COPG2: variants seen among roughly 807,000 people sequenced by gnomAD.
COPG2 encodes the protein coatomer subunit gamma-2.
COPG2 carries 37 observed loss-of-function variants against 46.3 expected under a neutral mutation model. The observed-to-expected ratio is 0.80, with a 90% CI of 0.61 to 1.05. COPG2 has a LOEUF of 1.05. Among genes scored for constraint, COPG2 ranks in the 50% least tolerant of loss-of-function variants. COPG2 has a pLI of 0.00. For missense variants in COPG2, 427 were observed against 387.8 expected (o/e 1.10, Z -0.85); for synonymous variants, 159 against 129.7 (o/e 1.23, Z -1.53).
intron 9 of COPG2, among the ~76,000 whole-genome samples, chr7:130,565,935 G>A (rs969592348): frequency 3.3e-5 from 5 of 152,070 alleles, no homozygotes; most frequent in Non-Finnish European, 7.4e-5. Context: ...CAGTGCTTTG[G>A]AGACCTGTGT....
chr7:130,605,075 G>A (rs1027750518), intron 9 of COPG2: 5 of 439,414 alleles, frequency 1.1e-5, no homozygotes, highest in African/African-American at 6.1e-5. Context: ...TTTGCTTCCA[G>A]ATTCCAATTA....
rs782776282 is a variant in COPG2 at position 130,666,903 on chromosome 7, G to T, written c.117C>A (p.Ile39=). Residue 39 remains isoleucine, a synonymous_variant, in exon 3 of 24, where the codon ATC becomes ATA. Coordinates refer to ENST00000425248, the MANE Select transcript of COPG2 (RefSeq NM_012133.6). ...QEARIFNETP[I]NPRRCLHILT... ...GAATATGCAAACATCTTCTTGGATT[G>T]ATTGGAGTTTCATTGAATATACGAG... 8 of 1,565,588 alleles carry T rather than the reference G, an allele frequency of 5.1e-6. No homozygotes were observed. In the East Asian group the frequency reaches 1.8e-4, roughly 35 times the overall value.
rs151109842 is a variant in COPG2 at position 130,633,431 on chromosome 7, G to A, written c.324-16366C>T. Reference sequence around the variant, plus strand: ...GTTGTTTCCTGACTTTTTAATGATCGCCACTCTAAGTGGCATGAGATGGTA... The same window carrying A: ...GTTGTTTCCTGACTTTTTAATGATCACCACTCTAAGTGGCATGAGATGGTA... On this transcript the variant is annotated intron_variant, in intron 5 of 23. Coordinates refer to ENST00000425248, the MANE Select transcript of COPG2 (RefSeq NM_012133.6). Among the ~76,000 whole-genome samples the A allele has an allele frequency of 5.4e-3, 820 of 152,192 alleles. 9 individuals carry two copies. The highest frequency in any genetic ancestry group is 0.018 in the African/African-American group (762 of 41,504).
At chr7:130,575,023 T>C (rs966236876) in intron 9 of COPG2, among the ~76,000 whole-genome samples, 6 of 151,422 alleles carry the variant, frequency 4.0e-5, no homozygotes, top group African/African-American at 1.5e-4. Flanking sequence ...AATAAGAAAA[T>C]ATGAACAAAG....
At chr7:130,554,132 T>C (rs1258499717) in intron 14 of COPG2, among the ~76,000 whole-genome samples, 1 of 152,144 alleles carries the variant, frequency 6.6e-6, no homozygotes, top group Non-Finnish European at 1.5e-5. Context: ...GAGATTTGGA[T>C]CTATTCATAT....
intron 5 of COPG2, among the ~76,000 whole-genome samples, chr7:130,643,111 A>C (rs1157911921): frequency 6.6e-6 from 1 of 152,010 alleles, no homozygotes; most frequent in Non-Finnish European, 1.5e-5. Flanking sequence ...CCTGGCTAAC[A>C]TGGTGAAACC....
chr7:130,552,613 C>T (rs1793550021), intron 14 of COPG2, among the ~76,000 whole-genome samples, 183 bp from the exon 15 acceptor site: 1 of 152,048 alleles, frequency 6.6e-6, no homozygotes, highest in African/African-American at 2.4e-5. Context: ...TCTGCAAGCC[C>T]AAGAGAGCTC....
chr7:130,653,177 T>C (rs1175973290), intron 4 of COPG2, among the ~76,000 whole-genome samples: 1 of 152,174 alleles, frequency 6.6e-6, no homozygotes, highest in East Asian at 1.9e-4. Flanking sequence ...AAAAATTCAA[T>C]TATATGGATC....
intron 9 of COPG2, among the ~76,000 whole-genome samples, chr7:130,582,518 G>GCTTC (rs1472132187): frequency 6.6e-6 from 1 of 151,822 alleles, no homozygotes; most frequent in East Asian, 1.9e-4. Context: ...AAACTAAAGA[G>GCTTC]CTTCAGCACA....
At position 130,554,542 on chromosome 7, in the gene COPG2, G is replaced by A. The variant is rs1793587403; in HGVS notation, c.1407C>T (p.Pro469=). 2.5e-6 allele frequency: 1 copy of A among 398,458 alleles called. No homozygotes were observed. Among genetic ancestry groups the A allele is most frequent in the Admixed American group, 4.4e-5 (1 of 22,702 alleles). The allele number at this position is 398,458 out of a possible 1,614,324, so 24.7% of individuals were successfully genotyped here. A position where few individuals can be genotyped will look rare whatever the true frequency, so the allele number is the denominator to read the frequency against. ...LGKEGPRTPV[P]SKYIRFIFNR... The stretch of plus-strand genomic sequence containing the variant: ...TAAAAATAAAACGGATATATTTGGA[G>A]GGGACAGGCGTTCTAGGGCCCTCTT... The change falls in exon 14 of 24, where the codon CCC becomes CCT. Residue 469 remains proline, a synonymous_variant. Transcript: ENST00000425248.
intron 22 of COPG2, 37 bp from the exon 23 acceptor site, chr7:130,507,409 G>T: frequency 1.3e-6 from 1 of 779,728 alleles, no homozygotes; most frequent in Middle Eastern, 2.3e-4. Context: ...TATTAGGAAA[G>T]TAAAGCACAG....
At chr7:130,632,967 T>C (rs1795259580) in intron 5 of COPG2, among the ~76,000 whole-genome samples, 1 of 152,114 alleles carries the variant, frequency 6.6e-6, no homozygotes. Flanking sequence ...ACTGTTCAAC[T>C]CCCACCTATG....
intron 9 of COPG2, among the ~76,000 whole-genome samples, chr7:130,574,823 A>G (rs1217789469): frequency 6.6e-6 from 1 of 152,288 alleles, no homozygotes; most frequent in African/African-American, 2.4e-5. Context: ...GTGAAGGGAG[A>G]AATATTCAAG....
chr7:130,605,808 C>CA (rs1307861805), intron 9 of COPG2: 1 of 519,210 alleles, frequency 1.9e-6, no homozygotes, highest in East Asian at 5.4e-5. Context: ...AGGCCTGTGT[C>CA]AGACTTCTAA....
intron 9 of COPG2, chr7:130,607,726 T>A (rs782113473): frequency 1.9e-6 from 1 of 520,142 alleles, no homozygotes; most frequent in South Asian, 1.4e-5. Flanking sequence ...TTTTCCACTC[T>A]AAGTTTTCAG....
intron 9 of COPG2, among the ~76,000 whole-genome samples, chr7:130,573,870 CAT>C (rs1246052211): frequency 1.3e-5 from 2 of 152,064 alleles, no homozygotes; most frequent in Non-Finnish European, 2.9e-5. Flanking sequence ...TTGATAAAGA[CAT>C]AGAAAACTGA....
intron 4 of COPG2, among the ~76,000 whole-genome samples, chr7:130,659,125 A>G (rs1554460279): frequency 1.3e-5 from 2 of 151,862 alleles, no homozygotes; most frequent in African/African-American, 4.8e-5. Flanking sequence ...GGAGGCTGAG[A>G]CGGGCGGATC....
At chr7:130,509,266 G>T (rs782069643) in intron 20 of COPG2, 2 of 513,924 alleles carry the variant, frequency 3.9e-6, no homozygotes, top group Non-Finnish European at 3.9e-6. Flanking sequence ...GTGGGCAGTT[G>T]TATGTTTTCA....
chr7:130,548,698 C>T (rs1217441958), intron 18 of COPG2, among the ~76,000 whole-genome samples, 156 bp from the exon 19 acceptor site: 1 of 152,076 alleles, frequency 6.6e-6, no homozygotes, highest in Admixed American at 6.6e-5. Context: ...GTCAGGAGAT[C>T]GAGACCATCC....
Sources: gnomAD v4.1 joint callset for allele counts (sites outside exome capture counted in the v4.1 genomes callset) on GRCh38, gnomAD v4.1.1 for gene constraint, MANE v1.5 for transcripts, NCBI Gene and HGNC (gene_info 2026-07-23, HGNC 2026-07-21) for gene names.